BAIAP2L1: variants seen among roughly 807,000 people sequenced by gnomAD.
BAIAP2L1 encodes the protein BAR/IMD domain containing adaptor protein 2 like 1, also known as BAR/IMD domain-containing adapter protein 2-like 1.
Under a neutral mutation model 66.3 loss-of-function variants are expected in BAIAP2L1, and 35 were observed. That is an observed-to-expected ratio of 0.53 (90% CI 0.40 to 0.70). The LOEUF (loss-of-function observed/expected upper bound fraction) is 0.70, where lower values mean the gene tolerates loss of function less well. BAIAP2L1 is among the 30% of genes least tolerant of loss of function. The pLI is 0.00. For missense variants in BAIAP2L1, 622 were observed against 656.9 expected (o/e 0.95, Z 0.58); for synonymous variants, 269 against 248.7 (o/e 1.08, Z -0.77).
At chr7:98,370,723 G>C (rs376111445) in intron 1 of BAIAP2L1, among the ~76,000 whole-genome samples, 72 of 149,662 alleles carry the variant, frequency 4.8e-4, no homozygotes, top group African/African-American at 1.7e-3. Flanking sequence ...GGATGGTCTC[G>C]ATCTCCTGAC....
chr7:98,377,025 G>T (rs1314256190), intron 1 of BAIAP2L1, among the ~76,000 whole-genome samples: 1 of 152,090 alleles, frequency 6.6e-6, no homozygotes. Flanking sequence ...GACAAATTGA[G>T]GTTTCCCTAA....
At chr7:98,294,567 G>T (rs1800108175) in intron 12 of BAIAP2L1, among the ~76,000 whole-genome samples, 1 of 152,174 alleles carries the variant, frequency 6.6e-6, no homozygotes, top group East Asian at 1.9e-4. Flanking sequence ...AATGAAGCTT[G>T]AGCAACAGAG....
chr7:98,357,438 A>G (rs1311773853), intron 2 of BAIAP2L1, among the ~76,000 whole-genome samples: 1 of 151,378 alleles, frequency 6.6e-6, no homozygotes, highest in Non-Finnish European at 1.5e-5. Flanking sequence ...ATGGTGGCAC[A>G]TGCTTGTAAT....
intron 1 of BAIAP2L1, among the ~76,000 whole-genome samples, chr7:98,381,840 T>C (rs1298056950): frequency 2.0e-5 from 3 of 151,978 alleles, no homozygotes; most frequent in African/African-American, 7.3e-5. Context: ...CCTACAACTG[T>C]TCACATCTTC....
At chr7:98,385,856 C>T (rs1452690483) in intron 1 of BAIAP2L1, 7 of 1,495,024 alleles carry the variant, frequency 4.7e-6, no homozygotes, top group Non-Finnish European at 6.4e-6. Flanking sequence ...GCACCTGTCT[C>T]GTCCCCAGTG....
intron 1 of BAIAP2L1, among the ~76,000 whole-genome samples, chr7:98,387,449 GCCA>G (rs1297220246): frequency 1.3e-5 from 2 of 152,216 alleles, no homozygotes; most frequent in African/African-American, 4.8e-5. Context: ...CGATCTCAGT[GCCA>G]CCAAAGAGTT....
chr7:98,312,294 CAAAG>C (rs758546968), intron 7 of BAIAP2L1, 30 bp from the exon 8 acceptor site: 14 of 1,575,794 alleles, frequency 8.9e-6, no homozygotes, highest in Middle Eastern at 1.7e-4. Flanking sequence ...AGACTAAAGA[CAAAG>C]AAGATTGTCT....
intron 1 of BAIAP2L1, among the ~76,000 whole-genome samples, chr7:98,369,010 A>T (rs1463203013): frequency 6.7e-6 from 1 of 149,932 alleles, no homozygotes; most frequent in Admixed American, 6.7e-5. Context: ...GTCACATGGT[A>T]GGCACGTGTT....
At chr7:98,306,734 G>T in intron 10 of BAIAP2L1, 2 of 621,264 alleles carry the variant, frequency 3.2e-6, no homozygotes, top group Non-Finnish European at 2.6e-6. Context: ...TAGAGACAGG[G>T]TCTCGCTCTG....
chr7:98,397,318 C>CTTTTT (rs36101597), intron 1 of BAIAP2L1, among the ~76,000 whole-genome samples: 890 of 74,464 alleles, frequency 0.012, 26 homozygotes, highest in African/African-American at 0.043. Flanking sequence ...TTCTTAAGCC[C>CTTTTT]TTTTTTTTTT....
chr7:98,371,066 T>C (rs182282966), intron 1 of BAIAP2L1, among the ~76,000 whole-genome samples: 149 of 152,340 alleles, frequency 9.8e-4, no homozygotes, highest in Non-Finnish European at 2.0e-3. Context: ...CAGCCTACAA[T>C]GTTAAGAGTC....
At chr7:98,372,008 A>T (rs1321993964) in intron 1 of BAIAP2L1, among the ~76,000 whole-genome samples, 1 of 151,920 alleles carries the variant, frequency 6.6e-6, no homozygotes, top group Non-Finnish European at 1.5e-5. Flanking sequence ...GTTAGCCAGG[A>T]TGGTCTCGAT....
chr7:98,400,488 G>C (rs1353611396), intron 1 of BAIAP2L1, among the ~76,000 whole-genome samples: 1 of 122,624 alleles, frequency 8.2e-6, no homozygotes, highest in Non-Finnish European at 1.7e-5. Context: ...GAGTGAACGG[G>C]GAGCGGAGGG....
chr7:98,310,248 C>T, intron 9 of BAIAP2L1, 197 bp downstream of exon 9: 2 of 545,172 alleles, frequency 3.7e-6, no homozygotes, highest in South Asian at 5.1e-5. Context: ...AAATGTATCA[C>T]TTATCAGAGC....
chr7:98,392,985 A>T (rs867576963), intron 1 of BAIAP2L1, among the ~76,000 whole-genome samples: 1 of 150,164 alleles, frequency 6.7e-6, no homozygotes, highest in African/African-American at 2.4e-5. Context: ...ATAGATATAT[A>T]TATGTAATTT....
intron 1 of BAIAP2L1, among the ~76,000 whole-genome samples, chr7:98,372,200 G>A (rs557245281): frequency 1.2e-4 from 18 of 152,168 alleles, no homozygotes; most frequent in African/African-American, 4.3e-4. Context: ...GAGGTCAGGA[G>A]TTCGAGACCA....
chr7:98,350,351 T>TAA (rs905282012), intron 3 of BAIAP2L1, among the ~76,000 whole-genome samples: 5 of 142,294 alleles, frequency 3.5e-5, no homozygotes, highest in African/African-American at 1.3e-4. Context: ...TCCAAAGGCT[T>TAA]AAAAAAAAAA....
chr7:98,325,834 G>A (rs747555689), intron 3 of BAIAP2L1, among the ~76,000 whole-genome samples: 9 of 152,236 alleles, frequency 5.9e-5, no homozygotes, highest in East Asian at 1.9e-4. Flanking sequence ...TTAAACGAGC[G>A]TGAGCTCTGA....
At chr7:98,294,299 G>A (rs1459892613) in intron 12 of BAIAP2L1, among the ~76,000 whole-genome samples, 188 bp from the exon 13 acceptor site, 1 of 152,152 alleles carries the variant, frequency 6.6e-6, no homozygotes, top group Non-Finnish European at 1.5e-5. Flanking sequence ...GGCCTGTATT[G>A]GAGATTTTTA....
Sources: allele counts gnomAD v4.1 joint callset (sites outside exome capture counted in the v4.1 genomes callset), GRCh38; gene constraint gnomAD v4.1.1; transcripts MANE v1.5; gene names NCBI Gene and HGNC (gene_info 2026-07-23, HGNC 2026-07-21).